PSD3: variants seen among roughly 807,000 people sequenced by gnomAD.
PSD3 encodes the protein PH and SEC7 domain-containing protein 3.
PSD3 carries 49 observed loss-of-function variants against 105.5 expected under a neutral mutation model. The observed-to-expected ratio is 0.46, with a 90% CI of 0.37 to 0.59. The LOEUF (loss-of-function observed/expected upper bound fraction) is 0.59, where lower values mean the gene tolerates loss of function less well. Among genes scored for constraint, PSD3 ranks in the 20% least tolerant of loss-of-function variants. The pLI is 0.00. For missense variants in PSD3, 1,561 were observed against 1,263.8 expected (o/e 1.24, Z -3.57); for synonymous variants, 557 against 457.8 (o/e 1.22, Z -2.77).
At chr8:18,773,539 G>A (rs112420098) in intron 8 of PSD3, among the ~76,000 whole-genome samples, 16 of 152,094 alleles carry the variant, frequency 1.1e-4, no homozygotes, top group East Asian at 3.9e-4. Context: ...GATAGTAATC[G>A]TGTTGAATCT....
intron 1 of PSD3, among the ~76,000 whole-genome samples, chr8:18,955,066 A>C (rs1052426268): frequency 6.6e-6 from 1 of 152,144 alleles, no homozygotes; most frequent in Non-Finnish European, 1.5e-5. Flanking sequence ...TCACCTTCAA[A>C]TGTTAGTGGC....
At chr8:18,696,695 A>G (rs1484564256) in intron 9 of PSD3, among the ~76,000 whole-genome samples, 1 of 152,196 alleles carries the variant, frequency 6.6e-6, no homozygotes, top group Non-Finnish European at 1.5e-5. Context: ...TACAAATAAG[A>G]AATACTCCAT....
In PSD3 at chr8:18,872,312, G is replaced by C. The variant is rs1430964833; in HGVS notation, c.552C>G (p.Asn184Lys). 4 of 1,614,166 alleles carry C rather than the reference G, an allele frequency of 2.5e-6. No individual in the cohort carries two copies. The highest frequency in any genetic ancestry group is 3.4e-6 in the Non-Finnish European group (4 of 1,180,018). The part of the protein sequence containing the change: ...DTASRKTQRV[N>K]KTLPAGQKNL... ...TTTTTTGGCCAGCAGGGAGCGTTTT[G>C]TTGACTCTCTGTGTTTTACGACTGG... The change falls in exon 3 of 16, where the codon AAC becomes AAG. Residue 184 changes from asparagine to lysine, a missense_variant. Physicochemically the swap from Asn to Lys is moderately conservative, Grantham distance 94. Transcript: ENST00000327040.
intron 4 of PSD3, among the ~76,000 whole-genome samples, chr8:18,806,910 G>C (rs932281537): frequency 6.6e-6 from 1 of 152,136 alleles, no homozygotes; most frequent in African/African-American, 2.4e-5. Context: ...AAGCAGTACT[G>C]CTAATGGGCA....
At chr8:18,567,595 G>A (rs2130279751) in intron 14 of PSD3, among the ~76,000 whole-genome samples, 1 of 152,300 alleles carries the variant, frequency 6.6e-6, no homozygotes, top group South Asian at 2.1e-4. Flanking sequence ...TTCAATATAT[G>A]TTAATGATAA....
At chr8:18,845,299 T>C (rs1021461924) in intron 4 of PSD3, among the ~76,000 whole-genome samples, 1 of 152,136 alleles carries the variant, frequency 6.6e-6, no homozygotes, top group South Asian at 2.1e-4. Context: ...GTCATCTCAG[T>C]AGTGAGCTGA....
chr8:19,045,971 T>A lies in PSD3; in HGVS notation c.324+38235A>T, dbSNP rs1405641493. On this transcript the variant is annotated intron_variant, in intron 1 of 1. Coordinates refer to the PSD3 transcript ENST00000521475. ...TTCTGGCTATAACCATCATCCCTTA[T>A]CCTCTGCCCCTAAAAGATGATTACC... 2.6e-5 allele frequency among the ~76,000 whole-genome samples: 4 copies of A among 152,216 alleles called. No individual in the cohort carries two copies. The East Asian group carries it at 7.7e-4, about 29-fold the overall frequency.
chr8:18,567,355 T>C (rs1001295329), intron 14 of PSD3, among the ~76,000 whole-genome samples: 22 of 152,184 alleles, frequency 1.4e-4, no homozygotes, highest in Non-Finnish European at 2.2e-4. Context: ...ATGCTCTTTA[T>C]GTGGTATGCT....
intron 8 of PSD3, among the ~76,000 whole-genome samples, chr8:18,766,270 G>A (rs1806992857): frequency 6.6e-6 from 1 of 152,142 alleles, no homozygotes; most frequent in African/African-American, 2.4e-5. Flanking sequence ...GGAGGCAGAG[G>A]TTGCAGTGAG....
At chr8:18,660,348 T>C (rs9693275) in intron 9 of PSD3, among the ~76,000 whole-genome samples, 28,328 of 152,140 alleles carry the variant, frequency 0.19, 3,661 homozygotes, top group East Asian at 0.49. Context: ...AAAAGCCCTG[T>C]TGACCTCTTG....
chr8:18,549,795 T>C (rs1585218972), intron 15 of PSD3, among the ~76,000 whole-genome samples: 1 of 152,244 alleles, frequency 6.6e-6, no homozygotes, highest in Admixed American at 6.5e-5. Context: ...TGAACTGAAA[T>C]ATTTTTGTTT....
chr8:18,900,939 T>C (rs925280961), intron 2 of PSD3, among the ~76,000 whole-genome samples: 2 of 152,234 alleles, frequency 1.3e-5, no homozygotes, highest in African/African-American at 4.8e-5. Flanking sequence ...AACATTATTA[T>C]ATAGTACAGT....
chr8:18,887,807 G>A (rs190414290), intron 2 of PSD3, among the ~76,000 whole-genome samples: 1 of 152,258 alleles, frequency 6.6e-6, no homozygotes, highest in Non-Finnish European at 1.5e-5. Context: ...TTAATTTGGA[G>A]AACGTTTCTG....
Position 18,865,089 on chromosome 8 carries a change from A to C in PSD3, c.1634+2585T>G, listed in dbSNP as rs796328403. The C allele has an allele frequency of 1.1e-4, 16 of 151,432 alleles. 1 individual carries two copies. In the South Asian group the frequency reaches 3.4e-3, roughly 32 times the overall value. The allele number at this position is 151,432 out of a possible 1,614,324, so 9.4% of individuals were successfully genotyped here. A position where few individuals can be genotyped will look rare whatever the true frequency, so the allele number is the denominator to read the frequency against. On this transcript the variant is annotated intron_variant, in intron 4 of 15. Coordinates refer to ENST00000327040, the MANE Select transcript of PSD3 (RefSeq NM_015310.4). ...GATCAAAAGAAGAATAACAAAATAA[A>C]AGACCCAACACCTAGCACAGTGAAT... is the stretch of plus-strand genomic sequence containing the variant.
chr8:18,555,205 C>T (rs1412991706), intron 15 of PSD3, among the ~76,000 whole-genome samples: 1 of 151,914 alleles, frequency 6.6e-6, no homozygotes, highest in African/African-American at 2.4e-5. Context: ...AGCCAGGGCT[C>T]AGCAGAGGAA....
At chr8:19,070,369 CAAAAA>C (rs10561436) in intron 1 of PSD3, among the ~76,000 whole-genome samples, 1 of 133,564 alleles carries the variant, frequency 7.5e-6, no homozygotes. Context: ...ATGTCATGTG[CAAAAA>C]AAAAAAAAAA....
rs372411174 is a variant in PSD3 at position 18,797,840 on chromosome 8, T to G, written c.2082+1455A>C. On this transcript the variant is annotated intron_variant, in intron 8 of 15. Transcript: ENST00000327040. ...ACAGATGCTAAACGTACAACTCTTT[T>G]ATGTTGATGGAACCTCAAAATATCT... Among the ~76,000 whole-genome samples, 27 of 152,310 alleles carry G rather than the reference T, an allele frequency of 1.8e-4. No individual in the cohort carries two copies. In the East Asian group the frequency reaches 4.6e-3, roughly 26 times the overall value.
intron 8 of PSD3, among the ~76,000 whole-genome samples, chr8:18,798,783 T>C (rs1044247271): frequency 1.3e-5 from 2 of 152,158 alleles, no homozygotes; most frequent in Admixed American, 6.6e-5. Flanking sequence ...TATATAATTA[T>C]ACATTTTAAC....
chr8:18,541,057 G>A (rs1800123195), intron 15 of PSD3, among the ~76,000 whole-genome samples: 2 of 151,122 alleles, frequency 1.3e-5, no homozygotes, highest in African/African-American at 4.9e-5. Flanking sequence ...TGACACTGAG[G>A]CCTTCCCTGG....
Sources: allele counts gnomAD v4.1 joint callset (sites outside exome capture counted in the v4.1 genomes callset), GRCh38; gene constraint gnomAD v4.1.1; transcripts MANE v1.5; gene names NCBI Gene and HGNC (gene_info 2026-07-23, HGNC 2026-07-21).